Variants in EHHADH observed in about 807,000 individuals in gnomAD.
EHHADH encodes the protein enoyl-CoA hydratase and 3-hydroxyacyl CoA dehydrogenase, also known as peroxisomal bifunctional enzyme.
A neutral mutation model predicts 64.4 loss-of-function variants in EHHADH; 48 were observed. The ratio of observed to expected loss-of-function variants is 0.75; its 90% confidence interval spans 0.59 to 0.95. The LOEUF (loss-of-function observed/expected upper bound fraction) is 0.95. EHHADH is among the 40% of genes least tolerant of loss of function. EHHADH has a pLI of 0.00. For missense variants in EHHADH, 854 were observed against 876.6 expected, an observed-to-expected ratio of 0.97 and a Z score of 0.33; for synonymous variants, 308 against 326.7, an observed-to-expected ratio of 0.94 and a Z score of 0.62.
chr3:185,223,815 C>G (rs1718898565), intron 4 of EHHADH, among the ~76,000 whole-genome samples: 1 of 152,286 alleles, frequency 6.6e-6, no homozygotes, highest in South Asian at 2.1e-4. Flanking sequence ...TTTCTGTGAA[C>G]AAAGGGGACA....
At chr3:185,251,635 TGTG>T (rs1192083028) in intron 1 of EHHADH, among the ~76,000 whole-genome samples, 2 of 151,724 alleles carry the variant, frequency 1.3e-5, no homozygotes, top group East Asian at 3.9e-4. Flanking sequence ...TGTGTGTGTG[TGTG>T]TATTACACTC....
chr3:185,211,641 C>T (rs927558044), intron 5 of EHHADH, among the ~76,000 whole-genome samples: 4 of 152,158 alleles, frequency 2.6e-5, no homozygotes, highest in African/African-American at 9.7e-5. Context: ...AGAATAACTG[C>T]ACATTAACAG....
chr3:185,245,058 ATTTC>A (rs891788122), intron 2 of EHHADH, among the ~76,000 whole-genome samples: 3 of 152,188 alleles, frequency 2.0e-5, no homozygotes, highest in African/African-American at 7.2e-5. Flanking sequence ...TACTGATTGA[ATTTC>A]TTTAATGATT....
At chr3:185,195,585 C>T (rs1718035679) in intron 6 of EHHADH, among the ~76,000 whole-genome samples, 1 of 152,094 alleles carries the variant, frequency 6.6e-6, no homozygotes, top group South Asian at 2.1e-4. Context: ...TTCAAAATAG[C>T]CAAATGCAGC....
rs1488877519 is a variant in EHHADH, at chr3:185,248,498, T to C, written c.94A>G (p.Ile32Val). ...ACAGCTTTCTGTAGTCCTTCTTTTA[T>C]GTCACGGAGTAAAGTCGTACTAAAA... is the stretch of plus-strand genomic sequence containing the variant. ...NAISTTLLRD[I>V]KEGLQKAVID... is the part of the protein sequence containing the mutation. Residue 32 changes from isoleucine to valine, a missense_variant, in exon 2 of 7, where the codon ATA becomes GTA. Coordinates refer to ENST00000231887, the MANE Select transcript of EHHADH (RefSeq NM_001966.4). 3 of 1,612,188 alleles carry C rather than the reference T, an allele frequency of 1.9e-6. No individual in the cohort carries two copies. The highest frequency in any genetic ancestry group is 1.7e-5 in the Admixed American group (1 of 59,770).
rs1560011639 is a variant in EHHADH, at chr3:185,212,673, A to T, written c.568+5463T>A. ...AAGGGAATACAAAAATTCAACATGT[A>T]TTTTTTTAAGACAGAGACAGACTTT... On this transcript the variant is annotated intron_variant, in intron 5 of 6. Transcript: ENST00000231887. Among the ~76,000 whole-genome samples the T allele has an allele frequency of 9.9e-5, 15 of 151,972 alleles. No homozygotes were observed. The South Asian group carries it at 1.2e-3, about 13-fold the overall frequency.
chr3:185,213,611 G>GGCTCAT lies in EHHADH; in HGVS notation c.568+4524_568+4525insATGAGC, dbSNP rs1210017829. ...TTAAAACAAAGAGGCTGGGTGCGGTGGCTCACGGCTGTAATCCCAGCACTT... is the reference window on the plus strand; with the variant it reads ...TTAAAACAAAGAGGCTGGGTGCGGTGGCTCATGCTCACGGCTGTAATCCCAGCACTT... On this transcript the variant is annotated intron_variant, in intron 5 of 6. Coordinates refer to ENST00000231887, the MANE Select transcript of EHHADH (RefSeq NM_001966.4). Among the ~76,000 whole-genome samples, 3 of 152,166 alleles carry GGCTCAT rather than the reference G, an allele frequency of 2.0e-5. No homozygotes were observed. In the East Asian group the frequency reaches 5.8e-4, roughly 29 times the overall value.
chr3:185,203,254 G>A lies in EHHADH; in HGVS notation c.910+1162C>T, dbSNP rs375870971. ...TTTTTCTTAGGGTTCAGAAAAGAGA[G>A]AGGGAAATAAAACAAATATAGTAAA... On this transcript the variant is annotated intron_variant, in intron 6 of 6. Transcript: ENST00000231887. Among the ~76,000 whole-genome samples, 130 of 152,100 alleles carry A rather than the reference G, an allele frequency of 8.5e-4. 1 individual carries two copies. The South Asian group carries it at 0.02, about 23-fold the overall frequency.
chr3:185,253,939 A>T lies in EHHADH; in HGVS notation c.74+10T>A, dbSNP rs1185115528. 1 of 1,613,906 alleles carries T rather than the reference A, an allele frequency of 6.2e-7. No homozygotes were observed. The highest frequency in any genetic ancestry group is 2.2e-5 in the East Asian group (1 of 44,878). On this transcript the variant is annotated intron_variant, in intron 1 of 6. Coordinates refer to ENST00000231887, the MANE Select transcript of EHHADH (RefSeq NM_001966.4). Reference sequence around the variant, plus strand: ...ACGGTCCCCGGGCTGGAGGCGACCGAGCCCGTTACCTGATCGCGTTGACCG... The same window carrying T: ...ACGGTCCCCGGGCTGGAGGCGACCGTGCCCGTTACCTGATCGCGTTGACCG...
chr3:185,252,244 C>G (rs1719768700), intron 1 of EHHADH, among the ~76,000 whole-genome samples: 1 of 151,884 alleles, frequency 6.6e-6, no homozygotes, highest in Non-Finnish European at 1.5e-5. Context: ...TACTAAAATA[C>G]AAAAAATTAG....
intron 6 of EHHADH, among the ~76,000 whole-genome samples, chr3:185,194,700 T>C (rs1718007684): frequency 6.8e-6 from 1 of 146,834 alleles, no homozygotes; most frequent in Admixed American, 7.1e-5. Flanking sequence ...TTTGGGAAGC[T>C]GAAGCAGGAG....
rs572168718 is a variant in EHHADH, at chr3:185,218,218, T to G, written c.486A>C (p.Glu162Asp). 1 of 1,605,778 alleles carries G rather than the reference T, an allele frequency of 6.2e-7. No homozygotes were observed. Among genetic ancestry groups the G allele is most frequent in the South Asian group, 1.1e-5 (1 of 90,428 alleles). Reference sequence around the variant, plus strand: ...TATCTAGAATGCCCAGCTTGAGTGCTTCATCTGCTAAAATACGTCTTCCTG... The same window carrying G: ...TATCTAGAATGCCCAGCTTGAGTGCGTCATCTGCTAAAATACGTCTTCCTG... ...ITSGRRILAD[E>D]ALKLGILDKV... The change falls in exon 5 of 7, where the codon GAA (glutamate) becomes GAC (aspartate). Residue 162 changes from glutamate to aspartate, a missense_variant. Coordinates refer to ENST00000231887, the MANE Select transcript of EHHADH (RefSeq NM_001966.4).
chr3:185,240,122 T>C (rs1438283831), intron 2 of EHHADH, among the ~76,000 whole-genome samples: 2 of 152,064 alleles, frequency 1.3e-5, no homozygotes, highest in Non-Finnish European at 2.9e-5. Flanking sequence ...CCATCTAATA[T>C]TGATGTAATA....
chr3:185,223,670 C>T (rs1335992005), intron 4 of EHHADH, among the ~76,000 whole-genome samples: 1 of 150,660 alleles, frequency 6.6e-6, no homozygotes, highest in African/African-American at 2.5e-5. Context: ...TTCCTCTTTC[C>T]CCCCATAGTA....
Position 185,206,548 on chromosome 3 carries a change from C to G in EHHADH, c.569-1791G>C, listed in dbSNP as rs909337294. Among the ~76,000 whole-genome samples, 3 of 152,122 alleles carry G rather than the reference C, an allele frequency of 2.0e-5. No individual in the cohort carries two copies. The East Asian group carries it at 5.8e-4, about 29-fold the overall frequency. On this transcript the variant is annotated intron_variant, in intron 5 of 6. Coordinates refer to ENST00000231887, the MANE Select transcript of EHHADH (RefSeq NM_001966.4). Reference sequence around the variant, plus strand: ...TATCAATAAGAAAATGAAATGACAGCCAGGTGCAGTGGCTCACGCCTGTAA... The same window carrying G: ...TATCAATAAGAAAATGAAATGACAGGCAGGTGCAGTGGCTCACGCCTGTAA...
At position 185,193,405 on chromosome 3, in the gene EHHADH, G is replaced by GT; in HGVS notation, c.992dup (p.Asn331LysfsTer50). The GT allele has an allele frequency of 6.2e-7, 1 of 1,614,180 alleles. No individual in the cohort carries two copies. The highest frequency in any genetic ancestry group is 8.5e-7 in the Non-Finnish European group (1 of 1,180,032). On this transcript the variant is annotated frameshift_variant, in exon 7 of 7. Coordinates refer to ENST00000231887, the MANE Select transcript of EHHADH (RefSeq NM_001966.4). LOFTEE classifies it high-confidence loss of function. ...TCATCTTGTTTGCAGTTGCTAGCTG[G>GT]TTTTTGTCCGAGTCTACAGCAATCA...
Position 185,254,003 on chromosome 3 carries a change from A to G in EHHADH, c.20T>C (p.Leu7Pro). 6.2e-7 allele frequency: 1 copy of G among 1,613,952 alleles called. No individual in the cohort carries two copies. Among genetic ancestry groups the G allele is most frequent in the Non-Finnish European group, 8.5e-7 (1 of 1,179,910 alleles). Reference protein sequence around the residue: MAEYTRLHNALALIRLR... With the variant: MAEYTRPHNALALIRLR... ...GCGGATTAGCGCCAAGGCGTTGTGCAGCCGCGTATACTCGGCCATGTTTCC... is the reference window on the plus strand; with the variant it reads ...GCGGATTAGCGCCAAGGCGTTGTGCGGCCGCGTATACTCGGCCATGTTTCC... Residue 7 changes from leucine (L) to proline (P), a missense_variant, in exon 1 of 7, where the codon CTG becomes CCG. Physicochemically the swap from Leu to Pro is moderately conservative, Grantham distance 98. Transcript: ENST00000231887.
intron 3 of EHHADH, among the ~76,000 whole-genome samples, chr3:185,231,949 A>C (rs145824025): frequency 9.2e-5 from 14 of 151,522 alleles, no homozygotes; most frequent in African/African-American, 3.4e-4. Context: ...ATGGTATTTA[A>C]ATTACATCTC....
At chr3:185,235,965 G>A (rs1237034916) in intron 2 of EHHADH, among the ~76,000 whole-genome samples, 2 of 151,998 alleles carry the variant, frequency 1.3e-5, no homozygotes, top group East Asian at 3.9e-4. Context: ...ATATTTATGA[G>A]TTATATGTTA....
Sources: gnomAD v4.1 joint callset for allele counts (sites outside exome capture counted in the v4.1 genomes callset) on GRCh38, gnomAD v4.1.1 for gene constraint, MANE v1.5 for transcripts, NCBI Gene and HGNC (gene_info 2026-07-23, HGNC 2026-07-21) for gene names.